Variants in BLTP1 observed in about 807,000 individuals in gnomAD.
The protein encoded by BLTP1 is bridge-like lipid transfer protein family member 1.
the BLTP1 span, chr4:122,281,343 T>C: frequency 6.0e-4 from 581 of 976,240 alleles, 3 homozygotes; most frequent in African/African-American, 9.0e-3. Flanking sequence ...GTTATTACTT[T>C]TTCTTGTCTA....
chr4:122,174,770 A>T, the BLTP1 span: 14 of 808,806 alleles, frequency 1.7e-5, no homozygotes, highest in East Asian at 9.5e-5. Context: ...ACTAAATCAA[A>T]TTTTTTTTTC....
the BLTP1 span, among the ~76,000 whole-genome samples, chr4:122,233,874 A>G: frequency 1.3e-5 from 2 of 152,196 alleles, no homozygotes; most frequent in Non-Finnish European, 2.9e-5. Flanking sequence ...GATAAGGACT[A>G]TATCAGTTTG....
At chr4:122,180,246 T>C in the BLTP1 span, 8 of 899,564 alleles carry the variant, frequency 8.9e-6, no homozygotes, top group South Asian at 2.5e-4. Context: ...CTCATTTTTT[T>C]CATCTATAAA....
the BLTP1 span, among the ~76,000 whole-genome samples, chr4:122,265,181 C>T: frequency 5.1e-4 from 78 of 152,148 alleles, no homozygotes; most frequent in Non-Finnish European, 9.0e-4. Flanking sequence ...CCCTCTGATC[C>T]GCCACCCAGG....
At chr4:122,361,908 G>A in the BLTP1 span, 1 of 1,082,762 alleles carries the variant, frequency 9.2e-7, no homozygotes, top group South Asian at 1.7e-5. Flanking sequence ...TTATACAAAT[G>A]TACCTACTGA....
the BLTP1 span, chr4:122,263,017 T>C: frequency 5.0e-6 from 8 of 1,596,166 alleles, no homozygotes; most frequent in Non-Finnish European, 6.0e-6. Context: ...TACATGTTTA[T>C]ATTTACGGGG....
At chr4:122,188,118 A>T in the BLTP1 span, 1 of 1,412,700 alleles carries the variant, frequency 7.1e-7, no homozygotes, top group Non-Finnish European at 9.3e-7. Flanking sequence ...ATAATAAAAA[A>T]CTTCTTATAG....
chr4:122,334,597 A>G, the BLTP1 span: 1 of 1,559,704 alleles, frequency 6.4e-7, no homozygotes, highest in Non-Finnish European at 8.8e-7. Flanking sequence ...ATTTTTAGTT[A>G]TTACCTACTT....
chr4:122,270,899 A>T, the BLTP1 span: 1 of 1,346,954 alleles, frequency 7.4e-7, no homozygotes, highest in Non-Finnish European at 9.8e-7. Flanking sequence ...TTGCTTGCTT[A>T]AAATTATTTA....
At chr4:122,166,681 C>T in the BLTP1 span, among the ~76,000 whole-genome samples, 4 of 152,142 alleles carry the variant, frequency 2.6e-5, no homozygotes, top group African/African-American at 7.2e-5. Context: ...GCCATTTTCA[C>T]GATACTGATT....
the BLTP1 span, among the ~76,000 whole-genome samples, chr4:122,270,087 A>G: frequency 1.3e-5 from 2 of 151,946 alleles, no homozygotes; most frequent in African/African-American, 4.8e-5. Context: ...AAGTTTTTCC[A>G]TCTCTGACCA....
the BLTP1 span, chr4:122,334,217 A>G: frequency 1.1e-6 from 1 of 905,982 alleles, no homozygotes; most frequent in African/African-American, 1.7e-5. Flanking sequence ...CAGGATCACA[A>G]AGCTAACTTT....
the BLTP1 span, chr4:122,178,265 T>A: frequency 2.0e-6 from 1 of 492,128 alleles, no homozygotes; most frequent in Admixed American, 6.4e-5. Context: ...TCTTTTAAAT[T>A]GTTTGTTTTC....
the BLTP1 span, chr4:122,229,909 C>T: frequency 6.3e-7 from 1 of 1,593,148 alleles, no homozygotes; most frequent in Non-Finnish European, 8.6e-7. Context: ...ACTTTTGTTT[C>T]ATTTTCTTCA....
the BLTP1 span, chr4:122,240,215 G>T: frequency 3.7e-6 from 6 of 1,614,096 alleles, no homozygotes; most frequent in African/African-American, 1.3e-5. Flanking sequence ...CTCAGTTCCA[G>T]GTAATTAATT....
chr4:122,252,579 G>C, the BLTP1 span, among the ~76,000 whole-genome samples: 2 of 152,214 alleles, frequency 1.3e-5, no homozygotes, highest in African/African-American at 4.8e-5. Flanking sequence ...GTGGAAAGGG[G>C]AGGGAAGAGT....
the BLTP1 span, chr4:122,207,323 A>G: frequency 6.8e-7 from 1 of 1,469,244 alleles, no homozygotes; most frequent in African/African-American, 1.4e-5. Flanking sequence ...AATACCAACT[A>G]AGAAAATTAG....
chr4:122,335,100 G>C, the BLTP1 span, among the ~76,000 whole-genome samples: 1 of 151,844 alleles, frequency 6.6e-6, no homozygotes, highest in Admixed American at 6.6e-5. Flanking sequence ...TGAAACATCT[G>C]CCTCCATCAT....
chr4:122,240,244 C>T, the BLTP1 span: 2 of 1,614,102 alleles, frequency 1.2e-6, no homozygotes, highest in Non-Finnish European at 1.7e-6. Flanking sequence ...AAGCACCCAA[C>T]CAACAAAAGA....
Sources: allele counts gnomAD v4.1 joint callset (sites outside exome capture counted in the v4.1 genomes callset), GRCh38; gene constraint gnomAD v4.1.1; transcripts MANE v1.5; gene names NCBI Gene and HGNC (gene_info 2026-07-23, HGNC 2026-07-21).